Variants in COL22A1 observed in about 807,000 individuals in gnomAD.
The protein encoded by COL22A1 is collagen type XXII alpha 1 chain.
Under a neutral mutation model 248.9 loss-of-function variants are expected in COL22A1, and 221 were observed. The observed-to-expected ratio is 0.89, with a 90% CI of 0.80 to 0.99. COL22A1 has a LOEUF of 0.99. Ranked by LOEUF, COL22A1 falls within the 50% of genes least tolerant of loss-of-function variation. The pLI, the probability that COL22A1 is intolerant of heterozygous loss-of-function variation, is 0.00. For synonymous variants in COL22A1, 891 were observed against 793.4 expected, an observed-to-expected ratio of 1.12 and a Z score of -2.07; for missense variants, 2,240 against 2,179.0, an observed-to-expected ratio of 1.03 and a Z score of -0.56.
rs1035183061 is a variant in COL22A1, at chr8:138,798,779, G to C, written c.1558-1922C>G. 2.0e-5 allele frequency among the ~76,000 whole-genome samples: 3 copies of C among 151,842 alleles called. No homozygotes were observed. In the East Asian group the frequency reaches 5.8e-4, roughly 29 times the overall value. On this transcript the variant is annotated intron_variant, in intron 11 of 64. Transcript: ENST00000303045. ...TCTCTTGCTACTTTCAATTTTCTTT[G>C]GTTTTTGGCATTTTTACTATAATGT...
At chr8:138,640,669 A>C (rs1821604092) in intron 47 of COL22A1, among the ~76,000 whole-genome samples, 1 of 152,130 alleles carries the variant, frequency 6.6e-6, no homozygotes, top group Non-Finnish European at 1.5e-5. Context: ...GTTAACTCAA[A>C]TGAAGCAAGT....
At chr8:138,743,778 T>C (rs1831889805) in intron 22 of COL22A1, among the ~76,000 whole-genome samples, 1 of 152,204 alleles carries the variant, frequency 6.6e-6, no homozygotes, top group African/African-American at 2.4e-5. Context: ...GGCAGATTTT[T>C]CAAGCCATTC....
At chr8:138,636,162 T>C (rs1821138885) in intron 48 of COL22A1, among the ~76,000 whole-genome samples, 1 of 151,924 alleles carries the variant, frequency 6.6e-6, no homozygotes, top group African/African-American at 2.4e-5. Context: ...GTGGTAGAAT[T>C]GGACTGGGCA....
intron 16 of COL22A1, among the ~76,000 whole-genome samples, chr8:138,770,696 G>A (rs1276985910): frequency 3.3e-5 from 5 of 152,212 alleles, no homozygotes; most frequent in East Asian, 1.9e-4. Flanking sequence ...CCACCAATAC[G>A]AGAGCTGAAA....
At chr8:138,817,089 A>G (rs1483936961) in intron 7 of COL22A1, among the ~76,000 whole-genome samples, 1 of 152,228 alleles carries the variant, frequency 6.6e-6, no homozygotes, top group Non-Finnish European at 1.5e-5. Flanking sequence ...GAAGGTGCAG[A>G]CAGGTGAGGC....
chr8:138,737,232 C>G (rs1831190837), intron 23 of COL22A1, among the ~76,000 whole-genome samples: 2 of 152,196 alleles, frequency 1.3e-5, no homozygotes, highest in East Asian at 3.9e-4. Context: ...CCTGGGGTCC[C>G]CCTTCGCCTC....
At chr8:138,887,311 GCCT>G (rs1824742814) in intron 1 of COL22A1, among the ~76,000 whole-genome samples, 2 of 151,074 alleles carry the variant, frequency 1.3e-5, no homozygotes, top group Non-Finnish European at 2.9e-5. Flanking sequence ...TGCAACCTCT[GCCT>G]CCTGGGTTCA....
intron 45 of COL22A1, among the ~76,000 whole-genome samples, chr8:138,655,024 T>C (rs1442176128): frequency 6.6e-5 from 10 of 152,158 alleles, no homozygotes; most frequent in Non-Finnish European, 1.5e-4. Flanking sequence ...TTTGAGAACA[T>C]GAGTTAGTCC....
At chr8:138,737,661 TG>T (rs1052277410) in intron 22 of COL22A1, 84 bp from the exon 23 acceptor site, 20 of 889,198 alleles carry the variant, frequency 2.2e-5, no homozygotes, top group Non-Finnish European at 3.3e-5. Flanking sequence ...GGTGGACATT[TG>T]GGTCTTTATT....
chr8:138,760,934 C>G (rs936025811), intron 17 of COL22A1, among the ~76,000 whole-genome samples: 1 of 152,104 alleles, frequency 6.6e-6, no homozygotes, highest in Non-Finnish European at 1.5e-5. Context: ...AGTCCTCAGC[C>G]AGCGTCCTCA....
Position 138,901,369 on chromosome 8 carries a change from G to GTTTTTTTT in COL22A1, c.-73+12242_-73+12249dup, listed in dbSNP as rs1396582556. 1.7e-4 allele frequency among the ~76,000 whole-genome samples: 20 copies of GTTTTTTTT among 118,766 alleles called. 1 individual carries two copies. Among genetic ancestry groups the GTTTTTTTT allele is most frequent in the Non-Finnish European group, 2.5e-4 (15 of 59,976 alleles). 77.9% of individuals were successfully genotyped at this position (118,766 alleles called of 152,430 possible). A position where few individuals can be genotyped will look rare whatever the true frequency, so the allele number is the denominator to read the frequency against. On this transcript the variant is annotated intron_variant, in intron 1 of 64. Coordinates refer to ENST00000303045, the MANE Select transcript of COL22A1 (RefSeq NM_152888.3). ...CTCATTACTGGCAGGTTTTTTTTTT[G>GTTTTTTTT]TTTTTTTTTTTTTTTGAGACAGTCT...
chr8:138,827,822 G>A (rs2131796594), intron 5 of COL22A1, among the ~76,000 whole-genome samples: 1 of 149,696 alleles, frequency 6.7e-6, no homozygotes, highest in African/African-American at 2.5e-5. Context: ...GGGCACCTGA[G>A]CTCCCTCCTG....
chr8:138,697,525 C>A (rs565324118), intron 32 of COL22A1, among the ~76,000 whole-genome samples: 2 of 152,204 alleles, frequency 1.3e-5, no homozygotes, highest in Non-Finnish European at 2.9e-5. Flanking sequence ...GATATGCACA[C>A]CATCAAACAG....
chr8:138,810,409 G>A (rs544639213), intron 9 of COL22A1, among the ~76,000 whole-genome samples: 1 of 152,306 alleles, frequency 6.6e-6, no homozygotes, highest in East Asian at 1.9e-4. Flanking sequence ...TCATTGACAT[G>A]TAAAAACCAT....
intron 1 of COL22A1, among the ~76,000 whole-genome samples, chr8:138,910,606 A>G (rs1815385677): frequency 6.6e-6 from 1 of 152,120 alleles, no homozygotes; most frequent in African/African-American, 2.4e-5. Context: ...GTAACCTGAT[A>G]AATATGTCTT....
In COL22A1 at chr8:138,596,583, T is replaced by C. The variant is rs141480388; in HGVS notation, c.4432+321A>G. On this transcript the variant is annotated intron_variant, in intron 62 of 64. Coordinates refer to ENST00000303045, the MANE Select transcript of COL22A1 (RefSeq NM_152888.3). Reference sequence around the variant, plus strand: ...GTTTCATGAGGCTCATAGCAGTAACTAAACAAAATTCTTTACAGACTAGAT... The same window carrying C: ...GTTTCATGAGGCTCATAGCAGTAACCAAACAAAATTCTTTACAGACTAGAT... 9.2e-5 allele frequency among the ~76,000 whole-genome samples: 14 copies of C among 152,340 alleles called. No homozygotes were observed. The East Asian group carries it at 9.6e-4, about 10-fold the overall frequency.
In COL22A1 at chr8:138,598,803, C is replaced by A. The variant is rs1200017809; in HGVS notation, c.4281G>T (p.Leu1427=). The part of the protein sequence containing the change: ...GIPGHKGHTG[L]MGPQGLPGEN... The stretch of plus-strand genomic sequence containing the variant: ...CCCCAGGTAGTCCTTGGGGACCCAT[C>A]AGGCCTGTGTGGCCTTTGTGGCCTG... Residue 1427 remains leucine, a synonymous_variant, in exon 61 of 65, where the codon CTG becomes CTT. Coordinates refer to ENST00000303045, the MANE Select transcript of COL22A1 (RefSeq NM_152888.3). 1.2e-6 allele frequency: 2 copies of A among 1,614,178 alleles called. No homozygotes were observed. The highest frequency in any genetic ancestry group is 1.7e-6 in the Non-Finnish European group (2 of 1,180,026).
intron 1 of COL22A1, among the ~76,000 whole-genome samples, chr8:138,894,610 AAAG>A (rs1825278904): frequency 1.3e-5 from 2 of 152,192 alleles, no homozygotes; most frequent in African/African-American, 4.8e-5. Flanking sequence ...ACAGCTCAGA[AAAG>A]AAACTGGAGC....
chr8:138,608,014 A>G, intron 56 of COL22A1, 25 bp from the exon 57 acceptor site: 1 of 1,612,134 alleles, frequency 6.2e-7, no homozygotes, highest in Non-Finnish European at 8.5e-7. Context: ...AGAGGTAATC[A>G]TCCTGCCAGG....
Sources: allele counts gnomAD v4.1 joint callset (sites outside exome capture counted in the v4.1 genomes callset), GRCh38; gene constraint gnomAD v4.1.1; transcripts MANE v1.5; gene names NCBI Gene and HGNC (gene_info 2026-07-23, HGNC 2026-07-21).